Variants in IFTAP observed in about 807,000 individuals in gnomAD.
IFTAP encodes the protein intraflagellar transport associated protein.
A neutral mutation model predicts 19.4 loss-of-function variants in IFTAP; 19 were observed. The observed-to-expected ratio is 0.98, with a 90% CI of 0.68 to 1.44. The LOEUF is 1.44. Ranked by LOEUF, IFTAP falls within the 40% of genes most tolerant of loss-of-function variation. The pLI, the probability that IFTAP is intolerant of heterozygous loss-of-function variation, is 0.00. For synonymous variants in IFTAP, 85 were observed against 83.5 expected (o/e 1.02, Z -0.10); for missense variants, 240 against 253.6 (o/e 0.95, Z 0.36).
intron 1 of IFTAP, among the ~76,000 whole-genome samples, chr11:36,606,963 A>G (rs116723936): frequency 3.1e-3 from 478 of 152,350 alleles, no homozygotes; most frequent in African/African-American, 0.01. Context: ...TGGTGGTGTT[A>G]CAAGTAAATG....
At chr11:36,631,604 G>A (rs1856501939) in intron 2 of IFTAP, among the ~76,000 whole-genome samples, 1 of 151,054 alleles carries the variant, frequency 6.6e-6, no homozygotes, top group South Asian at 2.1e-4. Flanking sequence ...ACAAACATGG[G>A]CACTGTGCTG....
Position 36,635,918 on chromosome 11 carries a change from G to A in IFTAP, c.292-133G>A, listed in dbSNP as rs1852929709. The A allele has an allele frequency of 4.4e-5, 30 of 675,610 alleles. No individual in the cohort carries two copies. The South Asian group carries it at 4.7e-4, about 11-fold the overall frequency. 41.9% of individuals were successfully genotyped at this position (675,610 alleles called of 1,614,324 possible). On this transcript the variant is annotated intron_variant, in intron 3 of 5. Coordinates refer to ENST00000334307, the MANE Select transcript of IFTAP (RefSeq NM_138787.4). ...CAGTGAACACAAAAGCCTTGAGCTG[G>A]GACTCAAGAGTTAATGAGAAAAGTG...
chr11:36,618,119 A>G (rs1852159888), intron 2 of IFTAP, among the ~76,000 whole-genome samples: 2 of 151,986 alleles, frequency 1.3e-5, no homozygotes, highest in African/African-American at 2.4e-5. Flanking sequence ...GTAGCTTGCT[A>G]TTGTGGACTG....
At chr11:36,605,289 C>CTT (rs112140106) in intron 1 of IFTAP, among the ~76,000 whole-genome samples, 3 of 138,734 alleles carry the variant, frequency 2.2e-5, no homozygotes, top group Non-Finnish European at 3.1e-5. Flanking sequence ...TGCCCCCCCA[C>CTT]TTTTTTTTTT....
At chr11:36,657,565 A>T (rs1320564460) in intron 5 of IFTAP, among the ~76,000 whole-genome samples, 1 of 152,138 alleles carries the variant, frequency 6.6e-6, no homozygotes, top group African/African-American at 2.4e-5. Flanking sequence ...CTTAGTGGAA[A>T]CTTCAAGGTT....
At chr11:36,652,661 C>T (rs987367835) in intron 5 of IFTAP, among the ~76,000 whole-genome samples, 9 of 152,118 alleles carry the variant, frequency 5.9e-5, no homozygotes, top group African/African-American at 2.2e-4. Flanking sequence ...CCAGTTTTTG[C>T]CCACTCAGTA....
At chr11:36,619,824 T>A (rs1483493949) in intron 2 of IFTAP, among the ~76,000 whole-genome samples, 1 of 152,130 alleles carries the variant, frequency 6.6e-6, no homozygotes, top group East Asian at 1.9e-4. Flanking sequence ...CCTTTCTGTT[T>A]CCTTTTTAAC....
intron 4 of IFTAP, among the ~76,000 whole-genome samples, chr11:36,646,915 T>C (rs968231669): frequency 2.0e-5 from 3 of 152,170 alleles, no homozygotes; most frequent in Admixed American, 6.6e-5. Context: ...AGAATTGCCT[T>C]CTTTGCCATT....
intron 2 of IFTAP, among the ~76,000 whole-genome samples, chr11:36,629,546 A>G (rs995666818): frequency 6.6e-6 from 1 of 151,470 alleles, no homozygotes; most frequent in Non-Finnish European, 1.5e-5. Flanking sequence ...TTGCATGGGC[A>G]CTAGTCTGGC....
At chr11:36,632,590 C>T (rs1465029791) in intron 2 of IFTAP, among the ~76,000 whole-genome samples, 1 of 151,206 alleles carries the variant, frequency 6.6e-6, no homozygotes, top group East Asian at 1.9e-4. Flanking sequence ...AGTAGATAAT[C>T]GTGAATGTAC....
intron 4 of IFTAP, among the ~76,000 whole-genome samples, chr11:36,644,441 C>T (rs560241202): frequency 8.5e-5 from 13 of 152,256 alleles, no homozygotes; most frequent in South Asian, 4.1e-4. Context: ...GACAGTGTGG[C>T]GATTCCTCAA....
At chr11:36,642,882 C>A (rs1853290084) in intron 4 of IFTAP, among the ~76,000 whole-genome samples, 1 of 152,172 alleles carries the variant, frequency 6.6e-6, no homozygotes, top group African/African-American at 2.4e-5. Flanking sequence ...CTGTTTATGA[C>A]AAACCCACAG....
intron 4 of IFTAP, among the ~76,000 whole-genome samples, chr11:36,647,627 C>T (rs1215688726): frequency 6.6e-6 from 1 of 152,050 alleles, no homozygotes; most frequent in Non-Finnish European, 1.5e-5. Flanking sequence ...GAAATCAGTA[C>T]TCCATTTTCT....
chr11:36,612,764 T>C (rs1473424549), intron 2 of IFTAP, among the ~76,000 whole-genome samples: 1 of 152,108 alleles, frequency 6.6e-6, no homozygotes, highest in Non-Finnish European at 1.5e-5. Flanking sequence ...AGAATGCTTA[T>C]GGGATTCATT....
chr11:36,644,939 G>A (rs1310471270), intron 4 of IFTAP, among the ~76,000 whole-genome samples: 1 of 151,850 alleles, frequency 6.6e-6, no homozygotes, highest in African/African-American at 2.4e-5. Flanking sequence ...CATGGCACAT[G>A]TATACATATG....
chr11:36,608,927 TG>T (rs111870754), intron 1 of IFTAP, among the ~76,000 whole-genome samples: 6,212 of 152,308 alleles, frequency 0.041, 407 homozygotes, highest in African/African-American at 0.14. Flanking sequence ...CTTCTAGCAA[TG>T]CTTGACTGTT....
chr11:36,628,616 T>C (rs1030594343), intron 2 of IFTAP, among the ~76,000 whole-genome samples: 8 of 151,392 alleles, frequency 5.3e-5, no homozygotes, highest in Admixed American at 4.6e-4. Flanking sequence ...GAATATAACT[T>C]TTGGATTGAA....
intron 2 of IFTAP, among the ~76,000 whole-genome samples, chr11:36,619,136 T>C (rs187002631): frequency 6.6e-6 from 1 of 151,992 alleles, no homozygotes; most frequent in South Asian, 2.1e-4. Context: ...TTTTCTTTAT[T>C]GAGCGTTCGT....
At chr11:36,645,159 T>C (rs1162447888) in intron 4 of IFTAP, among the ~76,000 whole-genome samples, 2 of 152,146 alleles carry the variant, frequency 1.3e-5, no homozygotes, top group African/African-American at 4.8e-5. Flanking sequence ...CAGGCAGATT[T>C]AATATTATTG....
Sources: allele counts gnomAD v4.1 joint callset (sites outside exome capture counted in the v4.1 genomes callset), GRCh38; gene constraint gnomAD v4.1.1; transcripts MANE v1.5; gene names NCBI Gene and HGNC (gene_info 2026-07-23, HGNC 2026-07-21).